SEC14L1: variants seen among roughly 807,000 people sequenced by gnomAD.
The protein encoded by SEC14L1 is SEC14-like protein 1.
A neutral mutation model predicts 85.3 loss-of-function variants in SEC14L1; 48 were observed. The observed-to-expected ratio is 0.56, with a 90% CI of 0.45 to 0.72. SEC14L1 has a LOEUF of 0.72. SEC14L1 is among the 30% of genes least tolerant of loss of function. The probability of loss-of-function intolerance (pLI) is 0.00; values close to 1 mark genes in which losing one functional copy is unlikely to be tolerated. For missense variants in SEC14L1, 682 were observed against 921.4 expected, an observed-to-expected ratio of 0.74 and a Z score of 3.36; for synonymous variants, 391 against 355.5, an observed-to-expected ratio of 1.10 and a Z score of -1.12.
chr17:77,144,107 T>A (rs1232454995), intron 3 of SEC14L1, among the ~76,000 whole-genome samples: 1 of 152,216 alleles, frequency 6.6e-6, no homozygotes, highest in Non-Finnish European at 1.5e-5. Context: ...CAAATGACTC[T>A]GTTGAATGAG....
intron 3 of SEC14L1, among the ~76,000 whole-genome samples, chr17:77,144,055 T>C (rs181435140): frequency 7.1e-4 from 108 of 152,254 alleles, no homozygotes; most frequent in African/African-American, 2.5e-3. Context: ...CTTTAGGTGG[T>C]GTTAGAACTG....
intron 14 of SEC14L1, 39 bp downstream of exon 14, chr17:77,209,515 C>G: frequency 6.2e-7 from 1 of 1,606,342 alleles, no homozygotes; most frequent in Non-Finnish European, 8.5e-7. Context: ...CCGGCCCTTC[C>G]TCCGCAGAGG....
intron 3 of SEC14L1, among the ~76,000 whole-genome samples, chr17:77,179,592 T>G (rs991224670): frequency 2.0e-5 from 3 of 152,192 alleles, no homozygotes; most frequent in Admixed American, 2.0e-4. Flanking sequence ...CCATGGAGTT[T>G]GAGGTCTTCT....
At chr17:77,159,316 C>T (rs1023889154) in intron 3 of SEC14L1, among the ~76,000 whole-genome samples, 1 of 151,806 alleles carries the variant, frequency 6.6e-6, no homozygotes, top group East Asian at 1.9e-4. Flanking sequence ...ATGGGCCTGT[C>T]TGGGCCTCCC....
chr17:77,214,171 G>A lies in SEC14L1; in HGVS notation c.*148G>A. The A allele has an allele frequency of 7.0e-7, 1 of 1,423,324 alleles. No homozygotes were observed. The allele number at this position is 1,423,324 out of a possible 1,614,324, so 88.2% of individuals were successfully genotyped here. A position where few individuals can be genotyped will look rare whatever the true frequency, so the allele number is the denominator to read the frequency against. ...TCTCAGATGGTAAACGTAGTCGTTT[G>A]ATCCCAAAACTACCTTGGCAGGTAG... On this transcript the variant is annotated 3_prime_UTR_variant, in exon 17 of 17. Coordinates refer to ENST00000436233, the MANE Select transcript of SEC14L1 (RefSeq NM_001143998.2).
At chr17:77,153,056 C>G (rs1030189292) in intron 3 of SEC14L1, among the ~76,000 whole-genome samples, 2 of 152,040 alleles carry the variant, frequency 1.3e-5, no homozygotes, top group African/African-American at 4.8e-5. Flanking sequence ...TTTAGCAGTT[C>G]TCTTTATTTA....
At chr17:77,136,250 C>CCTTT (rs201886603), upstream of SEC14L1, among the ~76,000 whole-genome samples, 1 of 149,982 alleles carries the variant, frequency 6.7e-6, no homozygotes, top group African/African-American at 2.5e-5. Context: ...CTTCCTCTTT[C>CCTTT]CTTTCTTTCT....
At chr17:77,160,974 G>A (rs560683381) in intron 3 of SEC14L1, among the ~76,000 whole-genome samples, 74 of 152,272 alleles carry the variant, frequency 4.9e-4, no homozygotes, top group African/African-American at 1.6e-3. Context: ...GATTTAAATA[G>A]AGTAAAACGA....
intron 3 of SEC14L1, among the ~76,000 whole-genome samples, chr17:77,098,374 C>G (rs538919197): frequency 1.3e-5 from 2 of 152,184 alleles, no homozygotes; most frequent in South Asian, 4.1e-4. Context: ...TGGTGCATAC[C>G]TGTAATCCCA....
chr17:77,213,306 TG>T lies in SEC14L1; in HGVS notation c.1864-7del. ...CGCCCTCAGCTGCCACTGCCCTACT[TG>T]TTCTAGGGTTCCCATGTGACCAGGT... On this transcript the variant is annotated splice_region_variant and splice_polypyrimidine_tract_variant and intron_variant, in intron 15 of 16. Coordinates refer to ENST00000436233, the MANE Select transcript of SEC14L1 (RefSeq NM_001143998.2). This position sits in a 1 kb window ranked among gnomAD's most constrained non-coding sequence, Gnocchi z 7.1. 9 of 1,598,214 alleles carry T rather than the reference TG, an allele frequency of 5.6e-6. No individual in the cohort carries two copies. Among genetic ancestry groups the T allele is most frequent in the Non-Finnish European group, 7.7e-6 (9 of 1,171,864 alleles).
At chr17:77,114,952 T>C (rs183726979) in intron 3 of SEC14L1, among the ~76,000 whole-genome samples, 17 of 152,028 alleles carry the variant, frequency 1.1e-4, no homozygotes, top group African/African-American at 4.1e-4. Context: ...TCTTCTCAGT[T>C]CCTGAGAAGA....
At chr17:77,211,758 T>A (rs898050777) in intron 14 of SEC14L1, 192 bp from the exon 15 acceptor site, 1 of 681,044 alleles carries the variant, frequency 1.5e-6, no homozygotes, top group Non-Finnish European at 2.5e-6. Flanking sequence ...GTGCATGACA[T>A]GTAGCAGGAT....
In SEC14L1 at chr17:77,213,706, C is replaced by T. The variant is rs760106493; in HGVS notation, c.2043-212C>T. The T allele has an allele frequency of 4.7e-6, 4 of 860,120 alleles. No homozygotes were observed. Among genetic ancestry groups the T allele is most frequent in the Admixed American group, 2.0e-5 (1 of 50,250 alleles). The allele number at this position is 860,120 out of a possible 1,614,324, so 53.3% of individuals were successfully genotyped here. ...GTCGGAGACAGAGCCGACTGACTGC[C>T]TTTGCTTTAGCTCACACTGCCGTCT... On this transcript the variant is annotated intron_variant, in intron 16 of 16. Transcript: ENST00000436233. The surrounding 1 kb of genome is among the most constrained non-coding windows in gnomAD (Gnocchi z 7.1).
At chr17:77,194,526 T>C (rs1975701784) in intron 6 of SEC14L1, 151 bp from the exon 7 acceptor site, 1 of 636,700 alleles carries the variant, frequency 1.6e-6, no homozygotes, top group East Asian at 2.7e-5. Flanking sequence ...TGCTTTAGCC[T>C]GGGCCACAAA....
Position 77,196,240 on chromosome 17 carries a change from G to C in SEC14L1, c.748G>C (p.Asp250His). ...CGACTACATCAAGAGATACCTGGGC[G>C]ATTTGACTCCGCTGCAGGAGAGCTG... ...DADYIKRYLG[D>H]LTPLQESCLI... The change falls in exon 8 of 17, where the codon GAT (aspartate) becomes CAT (histidine). Residue 250 changes from aspartate (D) to histidine (H), a missense_variant. This residue lies in a region of SEC14L1 where 420 missense variants were observed against 619.5 expected (regional missense o/e 0.68). Transcript: ENST00000436233. The C allele has an allele frequency of 6.2e-7, 1 of 1,614,112 alleles. No homozygotes were observed. The highest frequency in any genetic ancestry group is 2.2e-5 in the East Asian group (1 of 44,880).
At chr17:77,100,893 T>C (rs1380002480) in intron 3 of SEC14L1, among the ~76,000 whole-genome samples, 1 of 152,190 alleles carries the variant, frequency 6.6e-6, no homozygotes, top group South Asian at 2.1e-4. Flanking sequence ...AAAGTTTTGT[T>C]ACAATATTGT....
At chr17:77,119,717 C>T (rs970805691) in intron 3 of SEC14L1, among the ~76,000 whole-genome samples, 2 of 152,200 alleles carry the variant, frequency 1.3e-5, no homozygotes, top group East Asian at 3.9e-4. Flanking sequence ...TTGCCTCAAA[C>T]GGCCCTTACA....
At chr17:77,104,876 T>C (rs1008074109) in intron 3 of SEC14L1, among the ~76,000 whole-genome samples, 3 of 150,090 alleles carry the variant, frequency 2.0e-5, no homozygotes, top group African/African-American at 7.4e-5. Context: ...CCTCAAGAGG[T>C]CCTGAGGACA....
intron 3 of SEC14L1, among the ~76,000 whole-genome samples, chr17:77,175,605 A>G (rs1375835269): frequency 1.3e-5 from 2 of 152,162 alleles, no homozygotes; most frequent in Admixed American, 1.3e-4. Flanking sequence ...CCTTCATTGT[A>G]TTTCTTAGAT....
Sources: allele counts gnomAD v4.1 joint callset (sites outside exome capture counted in the v4.1 genomes callset), GRCh38; gene constraint gnomAD v4.1.1; regional missense constraint gnomAD v4.1.1; non-coding constraint Gnocchi (gnomAD v3.1); transcripts MANE v1.5; gene names NCBI Gene and HGNC (gene_info 2026-07-23, HGNC 2026-07-21).